Variants in AKAP3 observed in about 807,000 individuals in gnomAD.
AKAP3 encodes the protein A-kinase anchor protein 3.
AKAP3 carries 27 observed loss-of-function variants against 57.2 expected under a neutral mutation model. That is an observed-to-expected ratio of 0.47 (90% CI 0.35 to 0.65). The LOEUF (loss-of-function observed/expected upper bound fraction) is 0.65. Among genes scored for constraint, AKAP3 ranks in the 30% least tolerant of loss-of-function variants. AKAP3 has a pLI of 0.01. For synonymous variants in AKAP3, 334 were observed against 392.3 expected (o/e 0.85, Z 1.76); for missense variants, 959 against 1,040.0 (o/e 0.92, Z 1.07).
intron 5 of AKAP3, among the ~76,000 whole-genome samples, chr12:4,620,382 C>T (rs1470239930): frequency 7.0e-6 from 1 of 142,558 alleles, no homozygotes; most frequent in Non-Finnish European, 1.5e-5. Flanking sequence ...GAGGCTGAGA[C>T]AGGAGAATCG....
rs1467341379 is a variant in AKAP3, at chr12:4,627,749, T to C, written c.1153A>G (p.Met385Val). Residue 385 changes from methionine (M) to valine (V), a missense_variant, in exon 5 of 6, where the codon ATG (methionine) becomes GTG (valine). Coordinates refer to ENST00000228850, the MANE Select transcript of AKAP3 (RefSeq NM_001278309.2). ...DAMLRKLYNV[M>V]FAKKVPEHVR... ...TGCTCAGGGACTTTCTTGGCAAACATTACATTGTACAGCTTCCTTAGCATG... is the reference window on the plus strand; with the variant it reads ...TGCTCAGGGACTTTCTTGGCAAACACTACATTGTACAGCTTCCTTAGCATG... 3 of 1,614,036 alleles carry C rather than the reference T, an allele frequency of 1.9e-6. No individual in the cohort carries two copies. The highest frequency in any genetic ancestry group is 2.5e-6 in the Non-Finnish European group (3 of 1,180,036).
intron 3 of AKAP3, among the ~76,000 whole-genome samples, chr12:4,640,650 C>G (rs1379282638): frequency 6.6e-6 from 1 of 152,152 alleles, no homozygotes; most frequent in East Asian, 1.9e-4. Context: ...ATTCTTTGCT[C>G]CTACAAGGAT....
intron 3 of AKAP3, among the ~76,000 whole-genome samples, 160 bp from the exon 4 acceptor site, chr12:4,638,356 G>C (rs762281987): frequency 6.6e-6 from 1 of 152,156 alleles, no homozygotes; most frequent in Admixed American, 6.6e-5. Flanking sequence ...ACCCTGAATA[G>C]CTTCATCCTC....
At chr12:4,637,280 G>A (rs1005574189) in intron 4 of AKAP3, among the ~76,000 whole-genome samples, 3 of 152,160 alleles carry the variant, frequency 2.0e-5, no homozygotes, top group African/African-American at 4.8e-5. Context: ...TGGCATTGTC[G>A]ACAGAGGGTA....
chr12:4,636,857 C>A (rs1393338139), intron 4 of AKAP3, among the ~76,000 whole-genome samples: 1 of 152,176 alleles, frequency 6.6e-6, no homozygotes, highest in Admixed American at 6.5e-5. Context: ...TCAAGTGATT[C>A]TCCTGCCTCA....
At chr12:4,617,619 G>T (rs1375491068) in intron 5 of AKAP3, among the ~76,000 whole-genome samples, 1 of 152,076 alleles carries the variant, frequency 6.6e-6, no homozygotes, top group Non-Finnish European at 1.5e-5. Context: ...GGGTGTCATG[G>T]CACGTGCCTG....
intron 3 of AKAP3, among the ~76,000 whole-genome samples, chr12:4,639,710 A>G (rs1482281751): frequency 6.6e-6 from 1 of 151,834 alleles, no homozygotes; most frequent in East Asian, 1.9e-4. Context: ...GTTTGCTCAG[A>G]ATGATGGTTT....
At chr12:4,633,697 A>G (rs747835375) in intron 4 of AKAP3, among the ~76,000 whole-genome samples, 1 of 122,766 alleles carries the variant, frequency 8.1e-6, no homozygotes, top group Non-Finnish European at 1.7e-5. Context: ...GAATATAAGA[A>G]GAGGTCATGG....
At chr12:4,640,045 T>C (rs544014126) in intron 3 of AKAP3, among the ~76,000 whole-genome samples, 57 of 152,272 alleles carry the variant, frequency 3.7e-4, no homozygotes, top group African/African-American at 1.3e-3. Flanking sequence ...CTTGATCTCC[T>C]GACCTCGTGA....
intron 5 of AKAP3, among the ~76,000 whole-genome samples, chr12:4,623,003 CCAA>C (rs1945364449): frequency 6.6e-6 from 1 of 152,048 alleles, no homozygotes; most frequent in East Asian, 1.9e-4. Context: ...ATACGTGTGG[CCAA>C]CAAGCATATA....
In AKAP3 at chr12:4,627,580, T is replaced by C; in HGVS notation, c.1322A>G (p.Glu441Gly). Residue 441 changes from glutamate to glycine, a missense_variant, in exon 5 of 6, where the codon GAG becomes GGG. Transcript: ENST00000228850. ...CAGAGTTTTCGCACAAGTCTCCTCC[T>C]CTGATTTGGGTTCAGAATACATTTT... ...REKMYSEPKSEEETCAKTLGE... is the reference protein window; with the variant it reads ...REKMYSEPKSGEETCAKTLGE... 6.2e-7 allele frequency: 1 copy of C among 1,614,192 alleles called. No individual in the cohort carries two copies. Among genetic ancestry groups the C allele is most frequent in the Non-Finnish European group, 8.5e-7 (1 of 1,180,032 alleles).
At chr12:4,639,440 T>C (rs1347126471) in intron 3 of AKAP3, among the ~76,000 whole-genome samples, 4 of 152,130 alleles carry the variant, frequency 2.6e-5, no homozygotes, top group South Asian at 2.1e-4. Flanking sequence ...TTTTTTAAAA[T>C]TATACTTTTA....
intron 3 of AKAP3, among the ~76,000 whole-genome samples, chr12:4,639,730 T>C (rs1233804183): frequency 2.0e-5 from 3 of 152,054 alleles, no homozygotes; most frequent in African/African-American, 7.2e-5. Flanking sequence ...TCCAGCTTCA[T>C]CCCTGTCACT....
At chr12:4,629,128 G>A (rs2137435365) in intron 4 of AKAP3, among the ~76,000 whole-genome samples, 1 of 152,366 alleles carries the variant, frequency 6.6e-6, no homozygotes, top group African/African-American at 2.4e-5. Flanking sequence ...CATTGATGGA[G>A]CAGAAATTCC....
intron 3 of AKAP3, among the ~76,000 whole-genome samples, chr12:4,639,298 C>A (rs77630338): frequency 0.017 from 2,655 of 152,314 alleles, 81 homozygotes; most frequent in South Asian, 0.11. Context: ...GGCTTTCACA[C>A]TGAAGTTTCC....
In AKAP3 at chr12:4,626,980, T is replaced by A. The variant is rs138981206; in HGVS notation, c.1922A>T (p.Tyr641Phe). The A allele has an allele frequency of 6.7e-4, 1,077 of 1,614,032 alleles. 1 individual carries two copies. The highest frequency in any genetic ancestry group is 8.7e-4 in the Non-Finnish European group (1,026 of 1,180,026). Residue 641 changes from tyrosine (Y) to phenylalanine (F), a missense_variant, in exon 5 of 6, where the codon TAT (tyrosine) becomes TTT (phenylalanine). Coordinates refer to ENST00000228850, the MANE Select transcript of AKAP3 (RefSeq NM_001278309.2). ...GGCACCAGGGGTCTCATCATCCTCA[T>A]ATAGCCTGGGGGGAGAAGACGCCAA... ...RPLASSPPRL[Y>F]EDDETPGALS...
At chr12:4,643,585 A>G (rs1467709964) in intron 2 of AKAP3, among the ~76,000 whole-genome samples, 1 of 152,244 alleles carries the variant, frequency 6.6e-6, no homozygotes, top group Non-Finnish European at 1.5e-5. Flanking sequence ...ATCAGCAGAT[A>G]TATTCCTTTA....
At chr12:4,644,210 T>G (rs1383252171) in intron 2 of AKAP3, among the ~76,000 whole-genome samples, 1 of 152,242 alleles carries the variant, frequency 6.6e-6, no homozygotes, top group African/African-American at 2.4e-5. Context: ...CTTCTTCTTC[T>G]AGTCCCTGTT....
rs528508764 is a variant in AKAP3 at position 4,629,883 on chromosome 12, T to G, written c.97-1078A>C. Among the ~76,000 whole-genome samples the G allele has an allele frequency of 7.4e-4, 113 of 152,332 alleles. 1 individual carries two copies. The South Asian group carries it at 0.018, about 24-fold the overall frequency. The stretch of plus-strand genomic sequence containing the variant: ...AATGGCTTCCAATGGACTGACATCA[T>G]TTAACAATCCGATTTATAATTCAGG... On this transcript the variant is annotated intron_variant, in intron 4 of 5. Transcript: ENST00000228850.
Sources: allele counts gnomAD v4.1 joint callset (sites outside exome capture counted in the v4.1 genomes callset), GRCh38; gene constraint gnomAD v4.1.1; transcripts MANE v1.5; gene names NCBI Gene and HGNC (gene_info 2026-07-23, HGNC 2026-07-21).